The following ALPK2 variants were observed in gnomAD, a reference collection of about 807,000 sequenced individuals.
ALPK2 encodes the protein alpha kinase 2.
A neutral mutation model predicts 163.1 loss-of-function variants in ALPK2; 127 were observed. That is an observed-to-expected ratio of 0.78 (90% confidence interval 0.67 to 0.90). The LOEUF (loss-of-function observed/expected upper bound fraction) is 0.90, where lower values mean the gene tolerates loss of function less well. Ranked by LOEUF, ALPK2 falls within the 40% of genes least tolerant of loss-of-function variation. The probability of loss-of-function intolerance (pLI) is 0.00; values close to 1 mark genes in which losing one functional copy is unlikely to be tolerated. For missense variants in ALPK2, 2,360 were observed against 2,589.6 expected (o/e 0.91, Z 1.92); for synonymous variants, 953 against 959.1 (o/e 0.99, Z 0.12).
chr18:58,562,287 G>C (rs1294864578), intron 4 of ALPK2, among the ~76,000 whole-genome samples: 8 of 152,202 alleles, frequency 5.3e-5, no homozygotes, highest in Non-Finnish European at 1.2e-4. Context: ...TACCATCAGT[G>C]CAGACTTTTG....
Position 58,613,744 on chromosome 18 carries a change from TAA to T in ALPK2, c.-20-1929_-20-1928del, listed in dbSNP as rs1237851196. ...ATAATAATAATAATAATAATAATAATAAAATAAAAAGACGGCACCCTTCTGGG... is the reference window on the plus strand; with the variant it reads ...ATAATAATAATAATAATAATAATAATAATAAAAAGACGGCACCCTTCTGGG... On this transcript the variant is annotated intron_variant, in intron 1 of 12. Transcript: ENST00000361673. Among the ~76,000 whole-genome samples, 143 of 124,344 alleles carry T rather than the reference TAA, an allele frequency of 1.2e-3. 1 individual carries two copies. The highest frequency in any genetic ancestry group is 3.9e-3 in the South Asian group (14 of 3,636). 81.6% of individuals were successfully genotyped at this position (124,344 alleles called of 152,430 possible). A position where few individuals can be genotyped will look rare whatever the true frequency, so the allele number is the denominator to read the frequency against.
In ALPK2 at chr18:58,536,411, C is replaced by T; in HGVS notation, c.3776G>A (p.Ser1259Asn). The T allele has an allele frequency of 6.2e-7, 1 of 1,614,186 alleles. No homozygotes were observed. The highest frequency in any genetic ancestry group is 8.5e-7 in the Non-Finnish European group (1 of 1,180,016). The change falls in exon 5 of 13, where the codon AGC becomes AAC. Residue 1259 changes from serine to asparagine, a missense_variant. By Grantham distance (46) the Ser-to-Asn change is conservative. Coordinates refer to ENST00000361673, the MANE Select transcript of ALPK2 (RefSeq NM_052947.4). ...TATGAGACCACCGTCTGATGCCTTG[C>T]TCTCAGAATTTGTCAGTTGTCGTGG... Reference protein sequence around the residue: ...WPPRQLTNSESKASDGGLIIP... With the variant: ...WPPRQLTNSENKASDGGLIIP...
chr18:58,509,513 G>A (rs920953021), intron 10 of ALPK2, among the ~76,000 whole-genome samples: 1 of 152,098 alleles, frequency 6.6e-6, no homozygotes, highest in South Asian at 2.1e-4. Context: ...GTGTAAAAGT[G>A]TTCCTGTTTC....
intron 4 of ALPK2, chr18:58,544,162 C>A (rs1363080220): frequency 6.6e-6 from 1 of 152,126 alleles, no homozygotes; most frequent in Non-Finnish European, 1.5e-5. Context: ...AAGGGTAAAC[C>A]AAATTTAGTA....
rs3809976 is a variant in ALPK2, at chr18:58,537,018, A to C, written c.3169T>G (p.Leu1057Val). 0.76 allele frequency: 1,229,185 copies of C among 1,613,902 alleles called. 471,825 individuals are homozygous for C. Among genetic ancestry groups the C allele is most frequent in the East Asian group, 0.81 (36,258 of 44,866 alleles). ...GTAGCACCACTTAAAATATGATCCA[A>C]CTGCACTTGGGAAGGAAATTGGGAA... ...KVSQFPSQVQ[L>V]DHILSGATIK... Residue 1057 changes from leucine to valine, a missense_variant, in exon 5 of 13, where the codon TTG becomes GTG. Coordinates refer to ENST00000361673, the MANE Select transcript of ALPK2 (RefSeq NM_052947.4).
At chr18:58,574,040 A>G (rs2051905715) in intron 4 of ALPK2, among the ~76,000 whole-genome samples, 1 of 152,162 alleles carries the variant, frequency 6.6e-6, no homozygotes, top group African/African-American at 2.4e-5. Flanking sequence ...TGCTAGGTGA[A>G]TATGATAGTA....
intron 3 of ALPK2, among the ~76,000 whole-genome samples, chr18:58,595,912 G>C (rs560270745): frequency 6.6e-6 from 1 of 152,224 alleles, no homozygotes; most frequent in South Asian, 2.1e-4. Context: ...CCAAGACCAG[G>C]CTCTGAGCGG....
chr18:58,510,920 A>G (rs1175946460), intron 10 of ALPK2, among the ~76,000 whole-genome samples: 1 of 152,184 alleles, frequency 6.6e-6, no homozygotes, highest in Non-Finnish European at 1.5e-5. Context: ...TTCCAACACT[A>G]TGTTGAATAG....
At chr18:58,521,671 A>G (rs1602199023) in intron 8 of ALPK2, among the ~76,000 whole-genome samples, 2 of 100,426 alleles carry the variant, frequency 2.0e-5, no homozygotes, top group African/African-American at 3.8e-5. Context: ...CTGTGTCGCC[A>G]GGCTGGGGGG....
intron 2 of ALPK2, 49 bp from the exon 3 acceptor site, chr18:58,607,488 GAAAA>G: frequency 3.3e-6 from 3 of 904,146 alleles, no homozygotes; most frequent in Non-Finnish European, 4.6e-6. Flanking sequence ...GTATTTTTAG[GAAAA>G]AAAAAAAAAC....
Position 58,607,453 on chromosome 18 carries a change from A to G in ALPK2, c.110-14T>C. Reference sequence around the variant, plus strand: ...GCTTGGGCTGACCTGACAATAAAGAAAGAAAAGTATCCTTATTAGTTTAAG... The same window carrying G: ...GCTTGGGCTGACCTGACAATAAAGAGAGAAAAGTATCCTTATTAGTTTAAG... On this transcript the variant is annotated splice_polypyrimidine_tract_variant and intron_variant, in intron 2 of 12. Transcript: ENST00000361673. 1 of 1,539,766 alleles carries G rather than the reference A, an allele frequency of 6.5e-7. No individual in the cohort carries two copies. Among genetic ancestry groups the G allele is most frequent in the Non-Finnish European group, 8.8e-7 (1 of 1,130,322 alleles).
intron 2 of ALPK2, among the ~76,000 whole-genome samples, chr18:58,607,714 T>A (rs2052106035): frequency 6.6e-6 from 1 of 152,152 alleles, no homozygotes; most frequent in African/African-American, 2.4e-5. Flanking sequence ...AACGTGCTAT[T>A]AAGAAAAATT....
chr18:58,487,948 G>A (rs764241394), intron 12 of ALPK2, among the ~76,000 whole-genome samples: 8 of 152,166 alleles, frequency 5.3e-5, no homozygotes, highest in African/African-American at 9.7e-5. Context: ...TGGTCCCTGC[G>A]AATGACCTCG....
intron 12 of ALPK2, among the ~76,000 whole-genome samples, chr18:58,492,359 C>T (rs1160051693): frequency 1.3e-5 from 2 of 152,268 alleles, no homozygotes; most frequent in East Asian, 3.9e-4. Context: ...TGTCTTTAGT[C>T]GACAAACTTG....
At position 58,538,184 on chromosome 18, in the gene ALPK2, C is replaced by T; in HGVS notation, c.2003G>A (p.Ser668Asn). The T allele has an allele frequency of 1.2e-6, 2 of 1,612,870 alleles. No homozygotes were observed. Among genetic ancestry groups the T allele is most frequent in the South Asian group, 2.2e-5 (2 of 91,074 alleles). The change falls in exon 5 of 13, where the codon AGC becomes AAC. Residue 668 changes from serine (S) to asparagine (N), a missense_variant. Ser to Asn is a conservative substitution (Grantham distance 46). Coordinates refer to ENST00000361673, the MANE Select transcript of ALPK2 (RefSeq NM_052947.4). ...AGGCTCTGAGAAAGCTGGCATCTGGCTGCAAGAGATTGTCTCTCTGACTGT... is the reference window on the plus strand; with the variant it reads ...AGGCTCTGAGAAAGCTGGCATCTGGTTGCAAGAGATTGTCTCTCTGACTGT... ...QETVRETISC[S>N]QMPAFSEPAG...
chr18:58,498,770 G>C (rs58871036), intron 11 of ALPK2, among the ~76,000 whole-genome samples: 26,306 of 152,166 alleles, frequency 0.17, 2,362 homozygotes, highest in Non-Finnish European at 0.2. Context: ...CATTCTGTCT[G>C]TGGCCTGCTG....
chr18:58,617,954 G>A (rs763878150), intron 1 of ALPK2, among the ~76,000 whole-genome samples: 7 of 152,290 alleles, frequency 4.6e-5, no homozygotes, highest in Non-Finnish European at 1.0e-4. Context: ...TGACATCCTA[G>A]TACATGCTTC....
rs144462547 is a variant in ALPK2 at position 58,485,029 on chromosome 18, A to G, written c.6297-2990T>C. Among the ~76,000 whole-genome samples, 264 of 152,244 alleles carry G rather than the reference A, an allele frequency of 1.7e-3. 1 individual carries two copies. The highest frequency in any genetic ancestry group is 5.9e-3 in the African/African-American group (246 of 41,548). On this transcript the variant is annotated intron_variant, in intron 12 of 12. Coordinates refer to ENST00000361673, the MANE Select transcript of ALPK2 (RefSeq NM_052947.4). ...AGTGACATGTAGGGCCCAGTACAAA[A>G]CGAAAACAGGCTCTTTGTTCAAAAA...
At chr18:58,517,794 A>G (rs923365969) in intron 8 of ALPK2, among the ~76,000 whole-genome samples, 8 of 152,236 alleles carry the variant, frequency 5.3e-5, no homozygotes, top group Non-Finnish European at 1.2e-4. Context: ...AAAGCATGTG[A>G]TAAGTATAGG....
Sources: gnomAD v4.1 joint callset for allele counts (sites outside exome capture counted in the v4.1 genomes callset) on GRCh38, gnomAD v4.1.1 for gene constraint, MANE v1.5 for transcripts, NCBI Gene and HGNC (gene_info 2026-07-23, HGNC 2026-07-21) for gene names.